Variants in ALKBH1 observed in about 807,000 individuals in gnomAD.
ALKBH1 encodes nucleic acid dioxygenase ALKBH1.
ALKBH1 carries 31 observed loss-of-function variants against 36.6 expected under a neutral mutation model. That is an observed-to-expected ratio of 0.85 (90% confidence interval 0.64 to 1.14). ALKBH1 has a LOEUF of 1.14. ALKBH1 is among the 50% of genes most tolerant of loss of function. The pLI, the probability that ALKBH1 is intolerant of heterozygous loss-of-function variation, is 0.00. For synonymous variants in ALKBH1, 183 were observed against 186.6 expected (o/e 0.98, Z 0.16); for missense variants, 490 against 497.3 (o/e 0.99, Z 0.14).
intron 3 of ALKBH1, chr14:77,683,839 T>G (rs999470995): frequency 5.9e-6 from 1 of 168,268 alleles, no homozygotes; most frequent in East Asian, 1.8e-4. Context: ...CCCAAAGTGC[T>G]GGGATTACAG....
intron 1 of ALKBH1, among the ~76,000 whole-genome samples, chr14:77,706,475 A>ACCACCACTTT (rs1566819328): frequency 6.6e-6 from 1 of 152,182 alleles, no homozygotes; most frequent in East Asian, 1.9e-4. Flanking sequence ...CAGACTGTTA[A>ACCACCACTTT]CCACCACTTT....
At chr14:77,686,661 G>C (rs887914839) in intron 3 of ALKBH1, among the ~76,000 whole-genome samples, 2 of 152,112 alleles carry the variant, frequency 1.3e-5, no homozygotes, top group Non-Finnish European at 2.9e-5. Flanking sequence ...GTCTCGTTTT[G>C]TCGCCAGGCT....
At chr14:77,691,048 A>C (rs184167199) in intron 3 of ALKBH1, among the ~76,000 whole-genome samples, 180 of 152,198 alleles carry the variant, frequency 1.2e-3, no homozygotes, top group African/African-American at 3.9e-3. Context: ...TGATCTGTCC[A>C]ACTCGGCCTC....
chr14:77,680,072 C>T, intron 3 of ALKBH1, 102 bp from the exon 4 acceptor site: 1 of 846,996 alleles, frequency 1.2e-6, no homozygotes, highest in South Asian at 1.4e-5. Flanking sequence ...ATGGTATAAG[C>T]CGTTAGCCAA....
At chr14:77,700,114 T>G (rs543496528) in intron 2 of ALKBH1, among the ~76,000 whole-genome samples, 4 of 152,024 alleles carry the variant, frequency 2.6e-5, no homozygotes, top group African/African-American at 9.6e-5. Context: ...CAAACAAATC[T>G]CTGAACAATA....
chr14:77,679,754 AAAAG>A (rs1453400018), intron 4 of ALKBH1, 122 bp downstream of exon 4: 12 of 738,508 alleles, frequency 1.6e-5, no homozygotes, highest in African/African-American at 1.2e-4. Context: ...TTAAGGAAAT[AAAAG>A]AAAGGGATCC....
At chr14:77,705,141 G>A (rs770941115) in intron 1 of ALKBH1, among the ~76,000 whole-genome samples, 4 of 152,126 alleles carry the variant, frequency 2.6e-5, no homozygotes, top group African/African-American at 4.8e-5. Flanking sequence ...AAGGCCGGTC[G>A]CAGTGGCTCA....
chr14:77,675,293 G>T (rs911815335), intron 5 of ALKBH1, among the ~76,000 whole-genome samples: 11 of 151,998 alleles, frequency 7.2e-5, no homozygotes, highest in African/African-American at 2.7e-4. Context: ...AATTAGCTGG[G>T]TGTGGCGGTG....
At position 77,673,766 on chromosome 14, in the gene ALKBH1, T is replaced by A; in HGVS notation, c.*46A>T. On this transcript the variant is annotated 3_prime_UTR_variant, in exon 6 of 6. Transcript: ENST00000216489. Reference sequence around the variant, plus strand: ...CGGCAATACACAATAACATGATCATTTACGGTAAGCAGGTGCCTGAGTAAA... The same window carrying A: ...CGGCAATACACAATAACATGATCATATACGGTAAGCAGGTGCCTGAGTAAA... 1 of 1,560,204 alleles carries A rather than the reference T, an allele frequency of 6.4e-7. No individual in the cohort carries two copies. Among genetic ancestry groups the A allele is most frequent in the Non-Finnish European group, 8.7e-7 (1 of 1,147,750 alleles).
At chr14:77,684,187 T>G (rs893775525) in intron 3 of ALKBH1, among the ~76,000 whole-genome samples, 12 of 152,206 alleles carry the variant, frequency 7.9e-5, no homozygotes, top group African/African-American at 2.9e-4. Context: ...CTATAAATTC[T>G]TATTCAGCAG....
intron 1 of ALKBH1, among the ~76,000 whole-genome samples, chr14:77,706,511 G>T (rs1042778824): frequency 2.8e-4 from 43 of 152,268 alleles, no homozygotes; most frequent in African/African-American, 1.0e-3. Context: ...CAGCTGGCTT[G>T]TAATAGTAAC....
chr14:77,687,378 GTTT>G (rs2080273500), intron 3 of ALKBH1, among the ~76,000 whole-genome samples: 1 of 152,116 alleles, frequency 6.6e-6, no homozygotes, highest in Non-Finnish European at 1.5e-5. Flanking sequence ...TTCTGAACTT[GTTT>G]TTTCCTCTTG....
chr14:77,695,677 C>T (rs1220411476), intron 2 of ALKBH1, among the ~76,000 whole-genome samples: 2 of 144,940 alleles, frequency 1.4e-5, no homozygotes, highest in Non-Finnish European at 3.1e-5. Flanking sequence ...TGTAATATCT[C>T]AGTGTTTGCA....
rs1217578125 is a variant in ALKBH1, at chr14:77,707,822, C to A, written c.183G>T (p.Lys61Asn). ...AARGKGPGAQKVIKSQLNVSS... is the reference protein window; with the variant it reads ...AARGKGPGAQNVIKSQLNVSS... ...ACGCGCGCCACTCCTCTCTCTGTACCTTTTGGGCACCAGGACCCTTGCCAC... is the reference window on the plus strand; with the variant it reads ...ACGCGCGCCACTCCTCTCTCTGTACATTTTGGGCACCAGGACCCTTGCCAC... Residue 61 changes from lysine (K) to asparagine (N), a missense_variant and splice_region_variant, in exon 1 of 6, where the codon AAG becomes AAT. Lys to Asn is a moderately conservative substitution (Grantham distance 94, BLOSUM62 0). Transcript: ENST00000216489. 20 of 1,603,816 alleles carry A rather than the reference C, an allele frequency of 1.2e-5. No homozygotes were observed. The highest frequency in any genetic ancestry group is 8.6e-5 in the Admixed American group (5 of 58,254).
intron 3 of ALKBH1, among the ~76,000 whole-genome samples, chr14:77,690,728 TTGA>T (rs1315342286): frequency 1.3e-5 from 2 of 151,988 alleles, no homozygotes; most frequent in African/African-American, 4.8e-5. Context: ...TGGTCGCCTG[TTGA>T]TGAACTCTTA....
At chr14:77,698,820 C>T (rs1198038219) in intron 2 of ALKBH1, among the ~76,000 whole-genome samples, 1 of 152,240 alleles carries the variant, frequency 6.6e-6, no homozygotes, top group African/African-American at 2.4e-5. Context: ...ACAATCTTGG[C>T]TCACTGCCAC....
chr14:77,706,794 C>CT (rs1200634809), intron 1 of ALKBH1, among the ~76,000 whole-genome samples: 2 of 152,152 alleles, frequency 1.3e-5, no homozygotes, highest in East Asian at 1.9e-4. Flanking sequence ...TCTAAGACCA[C>CT]TTTTTTTCCC....
chr14:77,704,457 A>G lies in ALKBH1; in HGVS notation c.204T>C (p.Asn68=). 2 of 1,614,122 alleles carry G rather than the reference A, an allele frequency of 1.2e-6. No individual in the cohort carries two copies. Among genetic ancestry groups the G allele is most frequent in the South Asian group, 1.1e-5 (1 of 91,086 alleles). ...GAQKVIKSQL[N]VSSVSEQNAY... is the part of the protein sequence containing the mutation. ...CATTCTGCTCACTGACAGAAGACAC[A>G]TTTAGCTGAGATTTGATCACCTGGC... Residue 68 remains asparagine (N), a synonymous_variant, in exon 2 of 6, where the codon AAT becomes AAC. Transcript: ENST00000216489.
rs913023038 is a variant in ALKBH1, at chr14:77,673,038, T to C, written c.*774A>G. 3.3e-5 allele frequency: 5 copies of C among 152,122 alleles called. No individual in the cohort carries two copies. The highest frequency in any genetic ancestry group is 2.1e-4 in the South Asian group (1 of 4,828). The allele number at this position is 152,122 out of a possible 1,614,324, so 9.4% of individuals were successfully genotyped here. A position where few individuals can be genotyped will look rare whatever the true frequency, so the allele number is the denominator to read the frequency against. On this transcript the variant is annotated 3_prime_UTR_variant, in exon 6 of 6. Coordinates refer to ENST00000216489, the MANE Select transcript of ALKBH1 (RefSeq NM_006020.3). ...ATAGACTAAACCCCAAAGACAGATA[T>C]AGATCTTTAATTTAAAATCAAGTGA...
Sources: gnomAD v4.1 joint callset for allele counts (sites outside exome capture counted in the v4.1 genomes callset) on GRCh38, gnomAD v4.1.1 for gene constraint, MANE v1.5 for transcripts, NCBI Gene and HGNC (gene_info 2026-07-23, HGNC 2026-07-21) for gene names.